The following RAPGEF5 variants were observed in gnomAD, a reference collection of about 807,000 sequenced individuals.
RAPGEF5 encodes the protein Rap guanine nucleotide exchange factor 5, also known as M-Ras-regulated GEF.
RAPGEF5 carries 65 observed loss-of-function variants against 125.2 expected under a neutral mutation model. That is an observed-to-expected ratio of 0.52 (90% CI 0.43 to 0.64). RAPGEF5 has a LOEUF of 0.64. Among genes scored for constraint, RAPGEF5 ranks in the 30% least tolerant of loss-of-function variants. The pLI, the probability that RAPGEF5 is intolerant of heterozygous loss-of-function variation, is 0.00. For missense variants in RAPGEF5, 958 were observed against 1,048.1 expected, an observed-to-expected ratio of 0.91 and a Z score of 1.19; for synonymous variants, 391 against 385.9, an observed-to-expected ratio of 1.01 and a Z score of -0.16.
intron 15 of RAPGEF5, 145 bp downstream of exon 15, chr7:22,157,710 G>T (rs28656168): frequency 9.6e-6 from 8 of 837,518 alleles, no homozygotes; most frequent in Non-Finnish European, 1.6e-5. Context: ...GCAGGAAAGC[G>T]CAGGGAAGCT....
intron 9 of RAPGEF5, among the ~76,000 whole-genome samples, chr7:22,205,316 G>T (rs1785374044): frequency 6.6e-6 from 1 of 152,126 alleles, no homozygotes; most frequent in Non-Finnish European, 1.5e-5. Flanking sequence ...AATTCTCTAA[G>T]GTAGAAAACT....
chr7:22,327,533 C>A (rs1783837263), intron 1 of RAPGEF5, among the ~76,000 whole-genome samples: 1 of 152,204 alleles, frequency 6.6e-6, no homozygotes, highest in Non-Finnish European at 1.5e-5. Context: ...GTTTCCAGTT[C>A]CTTCCTCTGT....
intron 7 of RAPGEF5, among the ~76,000 whole-genome samples, chr7:22,262,834 TG>T (rs1782189361): frequency 6.6e-6 from 1 of 152,174 alleles, no homozygotes; most frequent in South Asian, 2.1e-4. Context: ...TGTACTGGTG[TG>T]CATCTGTAGT....
intron 7 of RAPGEF5, among the ~76,000 whole-genome samples, chr7:22,237,362 GTTTT>G (rs34763788): frequency 7.9e-6 from 1 of 126,852 alleles, no homozygotes; most frequent in South Asian, 2.5e-4. Context: ...TGTTGTTGCT[GTTTT>G]TTTTTTTTTG....
At chr7:22,235,812 C>T (rs753759828) in intron 7 of RAPGEF5, among the ~76,000 whole-genome samples, 1 of 152,170 alleles carries the variant, frequency 6.6e-6, no homozygotes, top group Non-Finnish European at 1.5e-5. Context: ...AACAAGCCTG[C>T]AGTGAGAAAT....
intron 7 of RAPGEF5, among the ~76,000 whole-genome samples, chr7:22,238,954 G>A (rs1228931631): frequency 1.3e-5 from 2 of 152,116 alleles, no homozygotes; most frequent in Non-Finnish European, 2.9e-5. Context: ...AAAATAAATT[G>A]AACAGAAATG....
At chr7:22,139,829 G>C in intron 21 of RAPGEF5, 196 bp downstream of exon 21, 1 of 497,818 alleles carries the variant, frequency 2.0e-6, no homozygotes, top group Non-Finnish European at 3.7e-6. Flanking sequence ...ATTCTAGCTG[G>C]GGAGCACGTT....
At chr7:22,247,903 T>TA (rs1358783837) in intron 7 of RAPGEF5, among the ~76,000 whole-genome samples, 1 of 152,182 alleles carries the variant, frequency 6.6e-6, no homozygotes. Context: ...TGTTCTTACT[T>TA]ATAAGTGGGA....
intron 1 of RAPGEF5, among the ~76,000 whole-genome samples, chr7:22,345,424 G>C (rs1028898732): frequency 6.6e-6 from 1 of 152,168 alleles, no homozygotes; most frequent in African/African-American, 2.4e-5. Flanking sequence ...CAGGCTTACT[G>C]AGCATCCTCT....
Position 22,229,132 on chromosome 7 carries a change from C to T in RAPGEF5, c.870+1714G>A, listed in dbSNP as rs557779526. ...ACATCCCTTAAGGAAGAAGGGCTGG[C>T]AGGTAAACCCAACTCTAAATGCTCT... is the stretch of plus-strand genomic sequence containing the variant. On this transcript the variant is annotated intron_variant, in intron 8 of 25. Transcript: ENST00000665637. Among the ~76,000 whole-genome samples, 62 of 152,270 alleles carry T rather than the reference C, an allele frequency of 4.1e-4. 1 individual carries two copies. In the South Asian group the frequency reaches 8.3e-3, roughly 20 times the overall value.
chr7:22,164,124 AGG>A lies in RAPGEF5; in HGVS notation c.1284-1585_1284-1584del, dbSNP rs747915295. ...TGAGGCAGGAGGATTGCTTGAGCCC[AGG>A]AGTTTAAGGCCAGCCCAGGAAAGAA... On this transcript the variant is annotated intron_variant, in intron 12 of 25. Transcript: ENST00000665637. 3.9e-5 allele frequency among the ~76,000 whole-genome samples: 6 copies of A among 152,302 alleles called. No homozygotes were observed. In the South Asian group the frequency reaches 1.2e-3, roughly 32 times the overall value.
chr7:22,179,488 A>C (rs1784608015), intron 11 of RAPGEF5, among the ~76,000 whole-genome samples: 3 of 152,194 alleles, frequency 2.0e-5, no homozygotes, highest in African/African-American at 7.2e-5. Context: ...TTTTTAAAAA[A>C]ATGACTATGT....
chr7:22,281,071 G>A (rs981849822), intron 6 of RAPGEF5, among the ~76,000 whole-genome samples: 1 of 152,200 alleles, frequency 6.6e-6, no homozygotes, highest in Non-Finnish European at 1.5e-5. Flanking sequence ...TAAAATGATA[G>A]TCTACATTTT....
At chr7:22,174,004 T>C (rs1398995000) in intron 11 of RAPGEF5, among the ~76,000 whole-genome samples, 1 of 152,160 alleles carries the variant, frequency 6.6e-6, no homozygotes, top group Non-Finnish European at 1.5e-5. Context: ...TAATGCATAG[T>C]CCTTAATCTC....
At chr7:22,188,181 C>T (rs552824026) in intron 11 of RAPGEF5, among the ~76,000 whole-genome samples, 10 of 152,248 alleles carry the variant, frequency 6.6e-5, no homozygotes, top group South Asian at 4.1e-4. Context: ...CATGCTGCTA[C>T]GGGGTTATTA....
intron 6 of RAPGEF5, among the ~76,000 whole-genome samples, chr7:22,268,370 G>A (rs1475930953): frequency 6.6e-6 from 1 of 152,172 alleles, no homozygotes; most frequent in Non-Finnish European, 1.5e-5. Context: ...GAGTACTGAG[G>A]CAGACAGAAG....
At position 22,167,012 on chromosome 7, in the gene RAPGEF5, C is replaced by T. The variant is rs1002770812; in HGVS notation, c.1283+58G>A. On this transcript the variant is annotated intron_variant, in intron 12 of 25. Transcript: ENST00000665637. ...ATTAAGGAAGGCAGTTAATTCCTAA[C>T]GTGGGACATCTGTCTGAGAGGAAGT... is the stretch of plus-strand genomic sequence containing the variant. 1.1e-5 allele frequency: 15 copies of T among 1,400,120 alleles called. No individual in the cohort carries two copies. The Middle Eastern group carries it at 7.0e-4, about 66-fold the overall frequency. The allele number at this position is 1,400,120 out of a possible 1,614,324, so 86.7% of individuals were successfully genotyped here.
intron 8 of RAPGEF5, among the ~76,000 whole-genome samples, chr7:22,220,936 G>A (rs868511934): frequency 2.0e-5 from 3 of 152,124 alleles, no homozygotes; most frequent in African/African-American, 7.2e-5. Flanking sequence ...AAAGGGGCCG[G>A]CAAAGAATCC....
At chr7:22,349,990 C>T (rs991394942) in intron 1 of RAPGEF5, among the ~76,000 whole-genome samples, 24 of 152,156 alleles carry the variant, frequency 1.6e-4, no homozygotes, top group Non-Finnish European at 1.8e-4. Flanking sequence ...TACCCATTAA[C>T]GAATGATTTA....
Sources: allele counts gnomAD v4.1 joint callset (sites outside exome capture counted in the v4.1 genomes callset), GRCh38; gene constraint gnomAD v4.1.1; transcripts MANE v1.5; gene names NCBI Gene and HGNC (gene_info 2026-07-23, HGNC 2026-07-21).